Variants in PAPSS1 observed in about 807,000 individuals in gnomAD.
PAPSS1 encodes the protein 3'-phosphoadenosine 5'-phosphosulfate synthase 1, also known as bifunctional 3'-phosphoadenosine 5'-phosphosulfate synthase 1.
In PAPSS1, 50 loss-of-function variants were observed where a neutral mutation model predicts 72.0. The observed-to-expected ratio is 0.69, with a 90% CI of 0.55 to 0.88. The LOEUF is 0.88. Ranked by LOEUF, PAPSS1 falls within the 40% of genes least tolerant of loss-of-function variation. The pLI, the probability that PAPSS1 is intolerant of heterozygous loss-of-function variation, is 0.00. For synonymous variants in PAPSS1, 261 were observed against 263.6 expected (o/e 0.99, Z 0.09); for missense variants, 657 against 782.2 (o/e 0.84, Z 1.91).
chr4:107,664,220 T>C (rs144319357), intron 5 of PAPSS1, among the ~76,000 whole-genome samples: 1 of 152,254 alleles, frequency 6.6e-6, no homozygotes, highest in Non-Finnish European at 1.5e-5. Flanking sequence ...ATATAAAGCT[T>C]TCTTTGCCAT....
At chr4:107,676,912 A>G (rs931284526) in intron 5 of PAPSS1, among the ~76,000 whole-genome samples, 1 of 152,160 alleles carries the variant, frequency 6.6e-6, no homozygotes, top group African/African-American at 2.4e-5. Context: ...TTTGACAAAC[A>G]TGACAAAAAT....
At chr4:107,643,262 G>A (rs1048305762) in intron 10 of PAPSS1, among the ~76,000 whole-genome samples, 10 of 152,168 alleles carry the variant, frequency 6.6e-5, no homozygotes, top group African/African-American at 2.4e-4. Context: ...AGAAGGGAGC[G>A]GGCTCTCCAG....
At chr4:107,684,568 G>A (rs918464068) in intron 4 of PAPSS1, among the ~76,000 whole-genome samples, 1 of 152,138 alleles carries the variant, frequency 6.6e-6, no homozygotes, top group Non-Finnish European at 1.5e-5. Flanking sequence ...TCTAAGGGTA[G>A]CCACTGTAAG....
intron 1 of PAPSS1, among the ~76,000 whole-genome samples, chr4:107,714,506 C>T (rs2522431): frequency 0.9 from 137,488 of 152,262 alleles, 62,194 homozygotes; most frequent in South Asian, 0.95. Context: ...TGTCTTGTTA[C>T]TGGTATGCTA....
chr4:107,691,996 A>T (rs796347787), intron 3 of PAPSS1, among the ~76,000 whole-genome samples: 8 of 152,306 alleles, frequency 5.3e-5, no homozygotes, highest in African/African-American at 1.9e-4. Flanking sequence ...CATATGCAGA[A>T]GATTGAAACT....
At chr4:107,711,453 T>C (rs1192389659) in intron 1 of PAPSS1, among the ~76,000 whole-genome samples, 1 of 152,232 alleles carries the variant, frequency 6.6e-6, no homozygotes, top group Non-Finnish European at 1.5e-5. Flanking sequence ...TGATGCTACT[T>C]AGAGAATTTC....
chr4:107,626,095 G>A (rs936463740), intron 11 of PAPSS1, among the ~76,000 whole-genome samples: 5 of 150,988 alleles, frequency 3.3e-5, no homozygotes, highest in East Asian at 2.0e-4. Context: ...GGAGAATGGC[G>A]TGAAACAGGG....
chr4:107,618,441 C>T lies in PAPSS1; in HGVS notation c.1737-4054G>A, dbSNP rs140003297. Among the ~76,000 whole-genome samples, 7 of 147,130 alleles carry T rather than the reference C, an allele frequency of 4.8e-5. No individual in the cohort carries two copies. In the East Asian group the frequency reaches 1.4e-3, roughly 29 times the overall value. The stretch of plus-strand genomic sequence containing the variant: ...TATATAGGCAGGAGAAAATAAGTGG[C>T]AAGAATGAGAAAGGGGAGGAGGATG... On this transcript the variant is annotated intron_variant, in intron 11 of 11. Coordinates refer to ENST00000265174, the MANE Select transcript of PAPSS1 (RefSeq NM_005443.5).
chr4:107,710,565 G>C (rs1006436569), intron 1 of PAPSS1, among the ~76,000 whole-genome samples: 6 of 152,236 alleles, frequency 3.9e-5, no homozygotes, highest in Admixed American at 3.9e-4. Flanking sequence ...GAACACTCAG[G>C]GGCATATGCA....
At chr4:107,672,447 T>C (rs6816892) in intron 5 of PAPSS1, among the ~76,000 whole-genome samples, 128,829 of 152,174 alleles carry the variant, frequency 0.85, 55,956 homozygotes, top group South Asian at 0.97. Context: ...GAGGGTCCTA[T>C]GCCCACGGAG....
chr4:107,708,355 G>T (rs1723393476), intron 1 of PAPSS1, among the ~76,000 whole-genome samples: 1 of 152,190 alleles, frequency 6.6e-6, no homozygotes, highest in South Asian at 2.1e-4. Context: ...ACTGGCTAAG[G>T]AGGAAAAGGG....
chr4:107,619,877 A>C (rs981607470), intron 11 of PAPSS1, among the ~76,000 whole-genome samples: 6 of 152,208 alleles, frequency 3.9e-5, no homozygotes, highest in African/African-American at 1.4e-4. Flanking sequence ...TTAGAACAGC[A>C]AGGAGGGGAA....
intron 7 of PAPSS1, among the ~76,000 whole-genome samples, chr4:107,656,641 T>C (rs1392354305): frequency 6.6e-6 from 1 of 152,150 alleles, no homozygotes; most frequent in Non-Finnish European, 1.5e-5. Flanking sequence ...TGTATGTGTT[T>C]TACAATCCAT....
At chr4:107,681,493 G>A (rs1287745684) in intron 5 of PAPSS1, among the ~76,000 whole-genome samples, 2 of 152,132 alleles carry the variant, frequency 1.3e-5, no homozygotes, top group Non-Finnish European at 2.9e-5. Flanking sequence ...GAGTACCCTG[G>A]AGAACCCCAA....
At chr4:107,663,382 A>T (rs1727238673) in intron 5 of PAPSS1, among the ~76,000 whole-genome samples, 1 of 152,218 alleles carries the variant, frequency 6.6e-6, no homozygotes, top group African/African-American at 2.4e-5. Context: ...TTTAAAAAAA[A>T]GTACAAAAAA....
chr4:107,704,176 C>A (rs1230035974), intron 1 of PAPSS1, among the ~76,000 whole-genome samples: 2 of 152,164 alleles, frequency 1.3e-5, no homozygotes, highest in Non-Finnish European at 2.9e-5. Context: ...AACACTACTA[C>A]TTTTCTAATG....
intron 5 of PAPSS1, among the ~76,000 whole-genome samples, chr4:107,674,682 C>T (rs1727588186): frequency 6.6e-6 from 1 of 152,042 alleles, no homozygotes; most frequent in Admixed American, 6.6e-5. Flanking sequence ...ACCAAGCAGA[C>T]CTAATAGACA....
intron 1 of PAPSS1, among the ~76,000 whole-genome samples, chr4:107,707,233 C>A (rs978312988): frequency 3.3e-5 from 5 of 152,150 alleles, no homozygotes; most frequent in Non-Finnish European, 5.9e-5. Context: ...TGGTCTGAAA[C>A]CTGGAGAGGG....
At chr4:107,618,427 G>A (rs1368828872) in intron 11 of PAPSS1, among the ~76,000 whole-genome samples, 2 of 151,602 alleles carry the variant, frequency 1.3e-5, no homozygotes, top group East Asian at 3.9e-4. Flanking sequence ...ATATAGGCAG[G>A]AGAAAATAAG....
Sources: gnomAD v4.1 joint callset for allele counts (sites outside exome capture counted in the v4.1 genomes callset) on GRCh38, gnomAD v4.1.1 for gene constraint, MANE v1.5 for transcripts, NCBI Gene and HGNC (gene_info 2026-07-23, HGNC 2026-07-21) for gene names.